PKM: variants seen among roughly 807,000 people sequenced by gnomAD.
PKM encodes the protein pyruvate kinase PKM.
Under a neutral mutation model 49.8 loss-of-function variants are expected in PKM, and 18 were observed. The ratio of observed to expected loss-of-function variants is 0.36; its 90% CI spans 0.25 to 0.54. The LOEUF (loss-of-function observed/expected upper bound fraction) is 0.54, where lower values mean the gene tolerates loss of function less well. PKM is among the 20% of genes least tolerant of loss of function. The pLI is 0.89. For missense variants in PKM, 508 were observed against 713.8 expected (o/e 0.71, Z 3.28); for synonymous variants, 239 against 261.8 (o/e 0.91, Z 0.84).
rs11558371 is a variant in PKM at position 72,209,842 on chromosome 15, C to T, written c.396G>A (p.Val132=). 2.5e-6 allele frequency: 4 copies of T among 1,614,118 alleles called. No individual in the cohort carries two copies. The Admixed American group carries it at 6.7e-5, about 27-fold the overall frequency. The change falls in exon 5 of 11, where the codon GTG becomes GTA. Residue 132 remains valine (V), a synonymous_variant. Coordinates refer to ENST00000335181, the MANE Select transcript of PKM (RefSeq NM_002654.6). The stretch of plus-strand genomic sequence containing the variant: ...TGAGAGTGGCTCCCTTCTTCAGCTC[C>T]ACCTCTGCAGTGCCGCTCTAGGGAC... ...GLIKGSGTAE[V]ELKKGATLKI...
Position 72,200,589 on chromosome 15 carries a change from C to T in PKM, c.1374G>A (p.Gln458=), listed in dbSNP as rs2081919506. The change falls in exon 10 of 11, where the codon CAG becomes CAA. Residue 458 remains glutamine, a synonymous_variant. Coordinates refer to ENST00000335181, the MANE Select transcript of PKM (RefSeq NM_002654.6). The surrounding 1 kb of genome is among the most constrained non-coding windows in gnomAD (Gnocchi z 4.6). ...GGTACAGGTGGGCCTGACGAGCTGT[C>T]TGGGGATTCCGGGTCACAGCAATGA... ...APIIAVTRNP[Q]TARQAHLYRG... The T allele has an allele frequency of 6.2e-7, 1 of 1,614,052 alleles. No individual in the cohort carries two copies. The highest frequency in any genetic ancestry group is 1.3e-5 in the African/African-American group (1 of 75,040).
At chr15:72,218,076 T>C (rs2082418486) in intron 2 of PKM, among the ~76,000 whole-genome samples, 1 of 152,206 alleles carries the variant, frequency 6.6e-6, no homozygotes, top group African/African-American at 2.4e-5. Context: ...CTTAACATTT[T>C]TGTGGTGAGA....
rs755008514 is a variant in PKM at position 72,209,712 on chromosome 15, C to T, written c.526G>A (p.Val176Met). 9.9e-6 allele frequency: 16 copies of T among 1,613,986 alleles called. No homozygotes were observed. Among genetic ancestry groups the T allele is most frequent in the Non-Finnish European group, 1.3e-5 (15 of 1,180,006 alleles). The change falls in exon 5 of 11, where the codon GTG (valine) becomes ATG (methionine). Residue 176 changes from valine to methionine, a missense_variant. Val to Met is a conservative substitution (Grantham distance 21). Transcript: ENST00000335181. ...TGGAGAGAAATAAGCCCATCATCCA[C>T]GTAGATCTTGCTGCCCACTTCCACC... is the stretch of plus-strand genomic sequence containing the variant. ...KVVEVGSKIY[V>M]DDGLISLQVK...
chr15:72,205,624 G>GTTTTTTTTTTTT (rs140232218), intron 8 of PKM, among the ~76,000 whole-genome samples: 5 of 99,706 alleles, frequency 5.0e-5, no homozygotes, highest in Non-Finnish European at 6.1e-5. Context: ...GGGTGTTTTA[G>GTTTTTTTTTTTT]TTTTTTTTTT....
chr15:72,206,898 A>G lies in PKM; in HGVS notation c.988-18T>C. ...TCCAGCATCTGGGAGGGGACAGAGC[A>G]TTAGTGAGATGTAGCTTGAGCTGTC... On this transcript the variant is annotated intron_variant, in intron 7 of 10. Transcript: ENST00000335181. 1 of 1,613,840 alleles carries G rather than the reference A, an allele frequency of 6.2e-7. No individual in the cohort carries two copies. The highest frequency in any genetic ancestry group is 1.1e-5 in the South Asian group (1 of 91,080).
At chr15:72,224,223 G>A (rs1182938781) in intron 1 of PKM, among the ~76,000 whole-genome samples, 1 of 152,204 alleles carries the variant, frequency 6.6e-6, no homozygotes, top group Non-Finnish European at 1.5e-5. Context: ...GGGACATGGT[G>A]CCTCCTTACT....
Position 72,199,563 on chromosome 15 carries a change from G to C in PKM, c.*87C>G. On this transcript the variant is annotated 3_prime_UTR_variant, in exon 11 of 11. Coordinates refer to ENST00000335181, the MANE Select transcript of PKM (RefSeq NM_002654.6). ...CCTACCAGTGCCACGTTACAGCCCAGAGTGAGTTCTACAAGCGTTGCTGGC... is the reference window on the plus strand; with the variant it reads ...CCTACCAGTGCCACGTTACAGCCCACAGTGAGTTCTACAAGCGTTGCTGGC... 3.3e-6 allele frequency: 3 copies of C among 901,144 alleles called. No homozygotes were observed. Among genetic ancestry groups the C allele is most frequent in the Non-Finnish European group, 5.5e-6 (3 of 542,578 alleles). The allele number at this position is 901,144 out of a possible 1,614,324, so 55.8% of individuals were successfully genotyped here.
At chr15:72,229,989 G>A (rs934232187) in intron 1 of PKM, among the ~76,000 whole-genome samples, 2 of 152,132 alleles carry the variant, frequency 1.3e-5, no homozygotes, top group Non-Finnish European at 2.9e-5. Flanking sequence ...CGAGGGCCAG[G>A]AGGCCCCAGC....
At chr15:72,216,279 A>G (rs1315799877) in intron 3 of PKM, among the ~76,000 whole-genome samples, 4 of 152,210 alleles carry the variant, frequency 2.6e-5, no homozygotes, top group Admixed American at 6.5e-5. Context: ...CCTCTTATCA[A>G]TGCCATTACG....
Position 72,203,537 on chromosome 15 carries a change from C to T in PKM, c.1141-917G>A, listed in dbSNP as rs539710769. 5.9e-4 allele frequency: 215 copies of T among 363,666 alleles called. 3 individuals are homozygous for T. The highest frequency in any genetic ancestry group is 4.6e-3 in the South Asian group (193 of 41,946). 22.5% of individuals were successfully genotyped at this position (363,666 alleles called of 1,614,324 possible). A position where few individuals can be genotyped will look rare whatever the true frequency, so the allele number is the denominator to read the frequency against. The stretch of plus-strand genomic sequence containing the variant: ...CACTCCCTGGCAGAGGACTTGACCA[C>T]GCTGCCTCATGACATAGCTTACAGG... On this transcript the variant is annotated intron_variant, in intron 8 of 10. Coordinates refer to ENST00000335181, the MANE Select transcript of PKM (RefSeq NM_002654.6).
intron 1 of PKM, among the ~76,000 whole-genome samples, chr15:72,228,119 C>T (rs1054099467): frequency 1.3e-5 from 2 of 152,196 alleles, no homozygotes; most frequent in African/African-American, 2.4e-5. Flanking sequence ...AAAATGAAAG[C>T]AGTTGTGCTA....
intron 1 of PKM, among the ~76,000 whole-genome samples, chr15:72,227,447 C>T (rs8192366): frequency 6.6e-6 from 1 of 152,186 alleles, no homozygotes; most frequent in East Asian, 1.9e-4. Context: ...GACTTGCCTT[C>T]ATAAAAGCTG....
chr15:72,229,882 C>A (rs1412605586), intron 1 of PKM, among the ~76,000 whole-genome samples: 1 of 147,768 alleles, frequency 6.8e-6, no homozygotes, highest in Non-Finnish European at 1.5e-5. Context: ...ACAATCAGGA[C>A]GCATTTGTTA....
chr15:72,202,536 T>TG lies in PKM; in HGVS notation c.1224dup (p.Thr409HisfsTer76). On this transcript the variant is annotated frameshift_variant, in exon 9 of 11. Coordinates refer to ENST00000335181, the MANE Select transcript of PKM (RefSeq NM_002654.6). LOFTEE classifies it high-confidence loss of function. The surrounding 1 kb of genome is among the most constrained non-coding windows in gnomAD (Gnocchi z 4.5). ...ACGGCACCCACGGCGGTGGCTTCTG[T>TG]GGGGTCGCTGGTAATGGGCGCCAGG... is the stretch of plus-strand genomic sequence containing the variant. 1 of 1,613,566 alleles carries TG rather than the reference T, an allele frequency of 6.2e-7. No homozygotes were observed.
chr15:72,222,731 T>C (rs2082558877), intron 1 of PKM, among the ~76,000 whole-genome samples: 2 of 152,160 alleles, frequency 1.3e-5, no homozygotes, highest in Admixed American at 6.5e-5. Flanking sequence ...AGGAGCCTTA[T>C]TCTTGAGCCC....
intron 1 of PKM, among the ~76,000 whole-genome samples, chr15:72,230,536 A>G (rs66608810): frequency 0.047 from 7,146 of 152,132 alleles, 343 homozygotes; most frequent in African/African-American, 0.12. Flanking sequence ...CGTGACCAGC[A>G]AGCAGGGGGA....
intron 1 of PKM, chr15:72,221,200 A>G: frequency 6.5e-7 from 1 of 1,535,386 alleles, no homozygotes; most frequent in Non-Finnish European, 8.7e-7. Flanking sequence ...TTCCGGTGAC[A>G]TAATGCTCCC....
At chr15:72,230,916 G>C in intron 1 of PKM, 200 bp downstream of exon 1, 1 of 1,286,710 alleles carries the variant, frequency 7.8e-7, no homozygotes, top group Non-Finnish European at 1.0e-6. Flanking sequence ...TGGAAGGAAC[G>C]GCGCTGGGGA....
intron 3 of PKM, among the ~76,000 whole-genome samples, chr15:72,214,790 C>A (rs1417755164): frequency 6.7e-6 from 1 of 149,680 alleles, no homozygotes; most frequent in Non-Finnish European, 1.5e-5. Context: ...GCGAGACTCC[C>A]TCTCTAAATA....
Sources: gnomAD v4.1 joint callset for allele counts (sites outside exome capture counted in the v4.1 genomes callset) on GRCh38, gnomAD v4.1.1 for gene constraint, Gnocchi (gnomAD v3.1) non-coding constraint, MANE v1.5 for transcripts, NCBI Gene and HGNC (gene_info 2026-07-23, HGNC 2026-07-21) for gene names.